PPA2: variants seen among roughly 807,000 people sequenced by gnomAD.
PPA2 encodes inorganic pyrophosphatase 2.
PPA2 carries 48 observed loss-of-function variants against 49.5 expected under a neutral mutation model. The observed-to-expected ratio is 0.97, with a 90% CI of 0.77 to 1.23. PPA2 has a LOEUF of 1.23. Among genes scored for constraint, PPA2 ranks in the 50% most tolerant of loss-of-function variants. The pLI is 0.00. For missense variants in PPA2, 429 were observed against 410.1 expected, an observed-to-expected ratio of 1.05 and a Z score of -0.40; for synonymous variants, 131 against 139.9, an observed-to-expected ratio of 0.94 and a Z score of 0.45.
chr4:105,417,980 T>G (rs72668239), intron 7 of PPA2, among the ~76,000 whole-genome samples: 18,769 of 152,176 alleles, frequency 0.12, 1,222 homozygotes, highest in African/African-American at 0.15. Context: ...CCATGCCCCA[T>G]CCACGCGGTG....
Position 105,456,523 on chromosome 4 carries a change from T to G in PPA2, c.222+158A>C. 3 of 581,428 alleles carry G rather than the reference T, an allele frequency of 5.2e-6. 1 individual carries two copies. The East Asian group carries it at 9.0e-5, about 17-fold the overall frequency. The allele number at this position is 581,428 out of a possible 1,614,324, so 36.0% of individuals were successfully genotyped here. The stretch of plus-strand genomic sequence containing the variant: ...GGAAGAATCCTATTCTCATACAACT[T>G]TTAATTCATATAGGAGGCTTATGAC... On this transcript the variant is annotated intron_variant, in intron 2 of 11. Transcript: ENST00000341695.
intron 7 of PPA2, among the ~76,000 whole-genome samples, chr4:105,421,094 C>T (rs913456396): frequency 6.6e-6 from 1 of 152,156 alleles, no homozygotes; most frequent in Non-Finnish European, 1.5e-5. Flanking sequence ...AAGTTCTACA[C>T]TGGGCAGTTA....
chr4:105,400,383 T>C (rs1030635250), intron 7 of PPA2, among the ~76,000 whole-genome samples: 1 of 152,118 alleles, frequency 6.6e-6, no homozygotes. Flanking sequence ...TGGTGGCTCA[T>C]GTCTGTAATC....
intron 7 of PPA2, among the ~76,000 whole-genome samples, chr4:105,421,702 G>A (rs374819376): frequency 6.6e-6 from 1 of 152,196 alleles, no homozygotes; most frequent in East Asian, 1.9e-4. Flanking sequence ...ATATATTAAC[G>A]ATAATGTGTA....
At position 105,392,989 on chromosome 4, in the gene PPA2, T is replaced by C. The variant is rs532553539; in HGVS notation, c.869+3260A>G. ...TAAAAATTAAATCTTAAAAGATGAG[T>C]AACATGGCCAGTTCAAGAAATGAGA... On this transcript the variant is annotated intron_variant, in intron 9 of 11. Coordinates refer to ENST00000341695, the MANE Select transcript of PPA2 (RefSeq NM_176869.3). 5.9e-5 allele frequency among the ~76,000 whole-genome samples: 9 copies of C among 152,150 alleles called. No individual in the cohort carries two copies. The East Asian group carries it at 1.5e-3, about 26-fold the overall frequency.
intron 3 of PPA2, among the ~76,000 whole-genome samples, chr4:105,450,375 C>CTT (rs890656208): frequency 7.0e-6 from 1 of 142,372 alleles, no homozygotes. Flanking sequence ...TTACACTTTC[C>CTT]TTTTTTTTTT....
At chr4:105,400,494 A>G (rs780458251) in intron 7 of PPA2, among the ~76,000 whole-genome samples, 2 of 152,076 alleles carry the variant, frequency 1.3e-5, no homozygotes, top group Non-Finnish European at 2.9e-5. Context: ...TTAGCTGGAC[A>G]TGGTGGTGAT....
intron 1 of PPA2, among the ~76,000 whole-genome samples, chr4:105,460,330 TC>T (rs1327576272): frequency 1.3e-5 from 2 of 151,012 alleles, no homozygotes; most frequent in African/African-American, 2.4e-5. Flanking sequence ...CTTTCCACCC[TC>T]CCCCACCCAT....
chr4:105,377,153 A>G (rs1369334576), intron 10 of PPA2, among the ~76,000 whole-genome samples: 1 of 152,182 alleles, frequency 6.6e-6, no homozygotes, highest in African/African-American at 2.4e-5. Context: ...TAGAAAAATT[A>G]GTAAGGCTGA....
intron 10 of PPA2, among the ~76,000 whole-genome samples, chr4:105,383,902 C>A (rs199987201): frequency 1.4e-3 from 200 of 147,516 alleles, no homozygotes; most frequent in African/African-American, 1.0e-3. Context: ...AATTAAAGGA[C>A]AAAAAAAAAA....
At chr4:105,392,799 C>A (rs1331185011) in intron 9 of PPA2, among the ~76,000 whole-genome samples, 1 of 152,104 alleles carries the variant, frequency 6.6e-6, no homozygotes, top group Admixed American at 6.5e-5. Flanking sequence ...CATCTTTATT[C>A]ATCTGCTCTT....
At chr4:105,397,660 T>G (rs1734203203) in intron 8 of PPA2, among the ~76,000 whole-genome samples, 1 of 152,188 alleles carries the variant, frequency 6.6e-6, no homozygotes. Context: ...GGTGGATCCC[T>G]CATGAATGGC....
rs1578881055 is a variant in PPA2 at position 105,456,830 on chromosome 4, C to T, written c.158-85G>A. On this transcript the variant is annotated intron_variant, in intron 1 of 11. Coordinates refer to ENST00000341695, the MANE Select transcript of PPA2 (RefSeq NM_176869.3). The stretch of plus-strand genomic sequence containing the variant: ...TACAGCAATAATAAACATCCTTATC[C>T]ACTTTTAAACTTACGCATTTTTTAC... 4.9e-6 allele frequency: 5 copies of T among 1,023,044 alleles called. No individual in the cohort carries two copies. The East Asian group carries it at 1.4e-4, about 30-fold the overall frequency. The allele number at this position is 1,023,044 out of a possible 1,614,324, so 63.4% of individuals were successfully genotyped here. A position where few individuals can be genotyped will look rare whatever the true frequency, so the allele number is the denominator to read the frequency against.
At chr4:105,403,292 G>A (rs1230241217) in intron 7 of PPA2, among the ~76,000 whole-genome samples, 3 of 151,942 alleles carry the variant, frequency 2.0e-5, no homozygotes, top group Non-Finnish European at 4.4e-5. Context: ...TGTTCCTCCT[G>A]CCTTGGCCTC....
At chr4:105,386,999 T>A (rs1733711531) in intron 9 of PPA2, among the ~76,000 whole-genome samples, 1 of 152,228 alleles carries the variant, frequency 6.6e-6, no homozygotes, top group Admixed American at 6.5e-5. Flanking sequence ...AGGATAAATT[T>A]TCCTCTAAGT....
At chr4:105,424,881 G>C (rs1206562621) in intron 6 of PPA2, among the ~76,000 whole-genome samples, 1 of 152,180 alleles carries the variant, frequency 6.6e-6, no homozygotes, top group African/African-American at 2.4e-5. Flanking sequence ...ACACTAACCT[G>C]TGCATTCATG....
chr4:105,374,223 C>A (rs537380368), intron 10 of PPA2, among the ~76,000 whole-genome samples: 2 of 152,284 alleles, frequency 1.3e-5, no homozygotes, highest in East Asian at 3.9e-4. Flanking sequence ...AAAATAAATT[C>A]TCCACCAACA....
At chr4:105,473,005 G>C (rs1054362982) in intron 1 of PPA2, among the ~76,000 whole-genome samples, 10 of 152,172 alleles carry the variant, frequency 6.6e-5, no homozygotes, top group South Asian at 2.1e-4. Context: ...GCTTAGAACT[G>C]AAAGCCTCCA....
chr4:105,397,093 T>G (rs1262277123), intron 8 of PPA2, among the ~76,000 whole-genome samples: 1 of 152,212 alleles, frequency 6.6e-6, no homozygotes, highest in Non-Finnish European at 1.5e-5. Flanking sequence ...CAGAAAGTTC[T>G]TTAGAGTTTT....
Sources: gnomAD v4.1 joint callset for allele counts (sites outside exome capture counted in the v4.1 genomes callset) on GRCh38, gnomAD v4.1.1 for gene constraint, MANE v1.5 for transcripts, NCBI Gene and HGNC (gene_info 2026-07-23, HGNC 2026-07-21) for gene names.